DSCAML1: variants seen among roughly 807,000 people sequenced by gnomAD.
DSCAML1 encodes DS cell adhesion molecule like 1, also known as cell adhesion molecule DSCAML1.
DSCAML1 carries 38 observed loss-of-function variants against 200.5 expected under a neutral mutation model. That is an observed-to-expected ratio of 0.19 (90% confidence interval 0.15 to 0.25). DSCAML1 has a LOEUF of 0.25. Among genes scored for constraint, DSCAML1 ranks in the 10% least tolerant of loss-of-function variants. The pLI is 1.00. For synonymous variants in DSCAML1, 1,215 were observed against 1,165.0 expected (o/e 1.04, Z -0.87); for missense variants, 2,223 against 2,858.8 (o/e 0.78, Z 5.07).
In DSCAML1 at chr11:117,479,214, T is replaced by G. The variant is rs371045326; in HGVS notation, c.2785+1229A>C. Among the ~76,000 whole-genome samples, 31 of 152,292 alleles carry G rather than the reference T, an allele frequency of 2.0e-4. No homozygotes were observed. In the East Asian group the frequency reaches 6.0e-3, roughly 29 times the overall value. ...GGCCAATGGCCACTGCCGTGCTAAG[T>G]GGGAGAAGAAGGGTCTGGAAGCTTC... On this transcript the variant is annotated intron_variant, in intron 14 of 32. Coordinates refer to ENST00000651296, the MANE Select transcript of DSCAML1 (RefSeq NM_020693.4).
At chr11:117,432,165 C>T (rs1231265298) in intron 30 of DSCAML1, among the ~76,000 whole-genome samples, 187 bp downstream of exon 30, 1 of 152,168 alleles carries the variant, frequency 6.6e-6, no homozygotes, top group Non-Finnish European at 1.5e-5. Flanking sequence ...GTTAGTGATA[C>T]GCCCAAGGTC....
intron 29 of DSCAML1, 73 bp from the exon 30 acceptor site, chr11:117,432,577 TTC>T: frequency 8.1e-6 from 12 of 1,488,710 alleles, no homozygotes; most frequent in Non-Finnish European, 1.0e-5. Flanking sequence ...GTGACTGAAT[TTC>T]TCTTTGTCTT....
intron 6 of DSCAML1, among the ~76,000 whole-genome samples, chr11:117,520,191 TTGGCAAATGAGG>T (rs1460731800): frequency 6.6e-6 from 1 of 152,136 alleles, no homozygotes; most frequent in African/African-American, 2.4e-5. Flanking sequence ...GGCTGATGGG[TTGGCAAATGAGG>T]TGCAGGCTGG....
intron 3 of DSCAML1, among the ~76,000 whole-genome samples, chr11:117,542,276 CAG>C (rs1303665870): frequency 1.3e-5 from 2 of 151,476 alleles, no homozygotes; most frequent in African/African-American, 4.9e-5. Context: ...AGCTGGGAGA[CAG>C]AGTGAGACTC....
chr11:117,798,188 C>T (rs1379547107), upstream of DSCAML1, among the ~76,000 whole-genome samples: 1 of 152,232 alleles, frequency 6.6e-6, no homozygotes, highest in Non-Finnish European at 1.5e-5. Context: ...GACTGTAGCT[C>T]CCTTTGCAGG....
Position 117,634,221 on chromosome 11 carries a change from G to C in DSCAML1, c.512-101699C>G, listed in dbSNP as rs528212205. Among the ~76,000 whole-genome samples, 5 of 152,250 alleles carry C rather than the reference G, an allele frequency of 3.3e-5. 1 individual carries two copies. The highest frequency in any genetic ancestry group is 3.3e-4 in the Admixed American group (5 of 15,290). Reference sequence around the variant, plus strand: ...CCTGGAGGTGTAGGAGAGTGTGGACGGGAGCTGTGCTTCTTGTGGGCTGGA... The same window carrying C: ...CCTGGAGGTGTAGGAGAGTGTGGACCGGAGCTGTGCTTCTTGTGGGCTGGA... On this transcript the variant is annotated intron_variant, in intron 3 of 32. Coordinates refer to ENST00000651296, the MANE Select transcript of DSCAML1 (RefSeq NM_020693.4).
chr11:117,734,055 G>C (rs1015390379), intron 3 of DSCAML1, among the ~76,000 whole-genome samples: 1 of 152,064 alleles, frequency 6.6e-6, no homozygotes, highest in African/African-American at 2.4e-5. Flanking sequence ...TTGTCTTTTG[G>C]GGGAGCATCT....
chr11:117,770,590 C>T (rs2055018914), intron 3 of DSCAML1, among the ~76,000 whole-genome samples: 1 of 151,844 alleles, frequency 6.6e-6, no homozygotes, highest in South Asian at 2.1e-4. Context: ...CCATTAATCA[C>T]TGGAGAGAAG....
intron 3 of DSCAML1, among the ~76,000 whole-genome samples, chr11:117,706,963 T>C (rs2053768359): frequency 6.6e-6 from 1 of 152,212 alleles, no homozygotes; most frequent in Non-Finnish European, 1.5e-5. Context: ...GCCAGCGTTC[T>C]AGCTCTGAAG....
chr11:117,701,103 T>TA (rs2053659839), intron 3 of DSCAML1, among the ~76,000 whole-genome samples: 1 of 151,930 alleles, frequency 6.6e-6, no homozygotes, highest in South Asian at 2.1e-4. Context: ...CTGTCTCCAC[T>TA]AAAAATACAA....
chr11:117,585,644 C>T (rs537064488), intron 3 of DSCAML1, among the ~76,000 whole-genome samples: 2 of 152,282 alleles, frequency 1.3e-5, no homozygotes, highest in African/African-American at 2.4e-5. Flanking sequence ...GCCATCAGGA[C>T]GATGGGGGTG....
chr11:117,669,015 C>T (rs2053042437), intron 3 of DSCAML1, among the ~76,000 whole-genome samples: 2 of 152,126 alleles, frequency 1.3e-5, no homozygotes, highest in Admixed American at 1.3e-4. Flanking sequence ...TTTTCTCCCT[C>T]CCTTTCCAGC....
chr11:117,791,016 C>T (rs981352040), intron 1 of DSCAML1, among the ~76,000 whole-genome samples: 1 of 152,228 alleles, frequency 6.6e-6, no homozygotes, highest in African/African-American at 2.4e-5. Flanking sequence ...AGACAGGGCA[C>T]AGGGAGTGGG....
intron 3 of DSCAML1, among the ~76,000 whole-genome samples, chr11:117,534,641 C>G (rs947481402): frequency 6.6e-6 from 1 of 152,182 alleles, no homozygotes; most frequent in African/African-American, 2.4e-5. Flanking sequence ...GACAGACTGT[C>G]ACTCTGCCAC....
intron 8 of DSCAML1, among the ~76,000 whole-genome samples, chr11:117,511,195 T>C (rs867842080): frequency 6.6e-6 from 1 of 152,120 alleles, no homozygotes; most frequent in Non-Finnish European, 1.5e-5. Flanking sequence ...AACATGGGCA[T>C]TTGGGAGAGA....
At chr11:117,769,255 T>TTATATATTTTA (rs1291368075) in intron 3 of DSCAML1, among the ~76,000 whole-genome samples, 1 of 7,524 alleles carries the variant, frequency 1.3e-4, no homozygotes, top group East Asian at 0.036. Flanking sequence ...TATGTATATA[T>TTATATATTTTA]TATATATTTT....
At chr11:117,443,845 T>C in intron 21 of DSCAML1, 41 bp downstream of exon 21, 2 of 1,539,592 alleles carry the variant, frequency 1.3e-6, no homozygotes, top group Non-Finnish European at 1.7e-6. Flanking sequence ...AGGGAGCTTT[T>C]GGAAGTGTTT....
chr11:117,430,684 CG>C (rs564904477), intron 32 of DSCAML1, 37 bp downstream of exon 32: 9 of 1,431,034 alleles, frequency 6.3e-6, no homozygotes, highest in South Asian at 2.5e-5. Flanking sequence ...GGCCAGGGGG[CG>C]GGGGGGCACT....
chr11:117,431,498 G>A, intron 31 of DSCAML1, 36 bp downstream of exon 31: 1 of 1,501,034 alleles, frequency 6.7e-7, no homozygotes, highest in Non-Finnish European at 8.9e-7. Flanking sequence ...GAACTGGGGG[G>A]AGGTGTTCAG....
Sources: allele counts gnomAD v4.1 joint callset (sites outside exome capture counted in the v4.1 genomes callset), GRCh38; gene constraint gnomAD v4.1.1; transcripts MANE v1.5; gene names NCBI Gene and HGNC (gene_info 2026-07-23, HGNC 2026-07-21).